Variants in RARB observed in about 807,000 individuals in gnomAD.
The protein encoded by RARB is HBV-activated protein.
A neutral mutation model predicts 51.9 loss-of-function variants in RARB; 17 were observed. That is an observed-to-expected ratio of 0.33 (90% CI 0.22 to 0.49). The LOEUF is 0.49. RARB is among the 20% of genes least tolerant of loss of function. The probability of loss-of-function intolerance (pLI) is 0.99; values close to 1 mark genes in which losing one functional copy is unlikely to be tolerated. For missense variants in RARB, 369 were observed against 550.8 expected, an observed-to-expected ratio of 0.67 and a Z score of 3.30; for synonymous variants, 215 against 195.4, an observed-to-expected ratio of 1.10 and a Z score of -0.84.
intron 5 of RARB, among the ~76,000 whole-genome samples, chr3:25,238,743 G>C (rs1702361812): frequency 1.3e-5 from 2 of 152,076 alleles, no homozygotes; most frequent in South Asian, 4.2e-4. Flanking sequence ...AGTACTTTGG[G>C]AGGCCGAGGC....
chr3:25,282,185 A>T (rs911618347), intron 5 of RARB, among the ~76,000 whole-genome samples: 1 of 152,162 alleles, frequency 6.6e-6, no homozygotes, highest in Non-Finnish European at 1.5e-5. Flanking sequence ...TACCCTACTG[A>T]CTATATCTTC....
At chr3:25,592,457 GT>G (rs1701648457) in intron 5 of RARB, among the ~76,000 whole-genome samples, 1 of 152,208 alleles carries the variant, frequency 6.6e-6, no homozygotes, top group Admixed American at 6.5e-5. Flanking sequence ...TTTATTGTCG[GT>G]GCAGAAATGT....
At chr3:25,530,913 TTC>T in intron 3 of RARB, among the ~76,000 whole-genome samples, 1 of 152,202 alleles carries the variant, frequency 6.6e-6, no homozygotes, top group Non-Finnish European at 1.5e-5. Flanking sequence ...ACTTCCTGGT[TTC>T]AGGATCATAT....
chr3:25,491,834 G>A (rs534113704), intron 2 of RARB, among the ~76,000 whole-genome samples: 2 of 152,120 alleles, frequency 1.3e-5, no homozygotes, highest in Non-Finnish European at 2.9e-5. Flanking sequence ...CTAGCTACTC[G>A]GAAGGCTGAG....
chr3:25,125,235 A>G (rs1575171804), intron 3 of RARB, among the ~76,000 whole-genome samples: 1 of 152,224 alleles, frequency 6.6e-6, no homozygotes, highest in East Asian at 1.9e-4. Flanking sequence ...CATCTGAAAT[A>G]AGAAGGAGGT....
chr3:25,393,091 T>A (rs1466934401), intron 5 of RARB, among the ~76,000 whole-genome samples: 1 of 152,046 alleles, frequency 6.6e-6, no homozygotes, highest in African/African-American at 2.4e-5. Flanking sequence ...GATGTTTTCA[T>A]CAAAAAACGA....
chr3:25,566,631 G>A (rs961575423), intron 3 of RARB, among the ~76,000 whole-genome samples: 3 of 152,124 alleles, frequency 2.0e-5, no homozygotes, highest in South Asian at 2.1e-4. Context: ...GCTTGGTTCA[G>A]TTACTTCATG....
At chr3:25,411,411 C>A (rs965893777) in intron 5 of RARB, among the ~76,000 whole-genome samples, 4 of 152,224 alleles carry the variant, frequency 2.6e-5, no homozygotes, top group African/African-American at 9.6e-5. Flanking sequence ...GTAATCCCAT[C>A]TTGGGAGATC....
chr3:25,569,250 A>G (rs1473239634), intron 3 of RARB, among the ~76,000 whole-genome samples: 2 of 152,278 alleles, frequency 1.3e-5, no homozygotes, highest in African/African-American at 4.8e-5. Flanking sequence ...CATCATCCTT[A>G]TCTCCTCTCA....
intron 1 of RARB, among the ~76,000 whole-genome samples, chr3:25,445,532 G>C (rs1310487563): frequency 6.6e-6 from 1 of 152,026 alleles, no homozygotes; most frequent in South Asian, 2.1e-4. Flanking sequence ...CTGGCATGGT[G>C]GGGGCACGCC....
intron 5 of RARB, among the ~76,000 whole-genome samples, chr3:25,356,578 A>G (rs575632562): frequency 2.6e-5 from 4 of 152,084 alleles, no homozygotes; most frequent in South Asian, 2.1e-4. Context: ...GGTTTGTTAC[A>G]TAGGTATACA....
chr3:24,866,072 G>T (rs1050068464), intron 2 of RARB, among the ~76,000 whole-genome samples: 1 of 152,044 alleles, frequency 6.6e-6, no homozygotes, highest in Non-Finnish European at 1.5e-5. Context: ...GGATTTTAAG[G>T]TGGTTAGCTG....
At chr3:25,458,437 A>C (rs1174030603) in intron 1 of RARB, 1 of 152,206 alleles carries the variant, frequency 6.6e-6, no homozygotes, top group Non-Finnish European at 1.5e-5. Context: ...TTTAATAGAC[A>C]GTGATACATT....
At chr3:25,103,547 G>A (rs905422823) in intron 3 of RARB, among the ~76,000 whole-genome samples, 9 of 152,284 alleles carry the variant, frequency 5.9e-5, no homozygotes, top group African/African-American at 1.4e-4. Flanking sequence ...AAGAACAGAT[G>A]GATTAGAAAT....
chr3:25,069,514 C>A (rs1698727728), intron 3 of RARB, among the ~76,000 whole-genome samples: 1 of 152,140 alleles, frequency 6.6e-6, no homozygotes, highest in South Asian at 2.1e-4. Flanking sequence ...TCTTAGGTCA[C>A]CAAGAGAACT....
Position 25,051,214 on chromosome 3 carries a change from C to A in RARB, c.-379-8911C>A, listed in dbSNP as rs528916382. ...TTGAGATAAAGCAGAGTTTAAATCA[C>A]CTGTCAAGGATATTAAGACACAGAT... is the stretch of plus-strand genomic sequence containing the variant. On this transcript the variant is annotated intron_variant, in intron 2 of 11. Transcript: ENST00000383772. Among the ~76,000 whole-genome samples, 3 of 152,160 alleles carry A rather than the reference C, an allele frequency of 2.0e-5. No homozygotes were observed. The South Asian group carries it at 6.2e-4, about 32-fold the overall frequency.
chr3:25,215,480 C>A (rs1701810835), intron 5 of RARB, among the ~76,000 whole-genome samples: 1 of 152,020 alleles, frequency 6.6e-6, no homozygotes, highest in Non-Finnish European at 1.5e-5. Context: ...TGAATATGGA[C>A]AAGAGAGAGA....
At chr3:25,338,896 A>G (rs931030789) in intron 5 of RARB, among the ~76,000 whole-genome samples, 2 of 152,104 alleles carry the variant, frequency 1.3e-5, no homozygotes, top group Non-Finnish European at 2.9e-5. Flanking sequence ...AAAGGTTAGC[A>G]CTTGGCACAG....
chr3:25,282,709 T>G (rs535489277), intron 5 of RARB, among the ~76,000 whole-genome samples: 1 of 152,248 alleles, frequency 6.6e-6, no homozygotes, highest in South Asian at 2.1e-4. Flanking sequence ...GCTTGTGAGT[T>G]CAAGGTCACA....
Sources: allele counts gnomAD v4.1 joint callset (sites outside exome capture counted in the v4.1 genomes callset), GRCh38; gene constraint gnomAD v4.1.1; transcripts MANE v1.5; gene names NCBI Gene and HGNC (gene_info 2026-07-23, HGNC 2026-07-21).